The following CMIP variants were observed in gnomAD, a reference collection of about 807,000 sequenced individuals.
The protein encoded by CMIP is c-Maf inducing protein.
A neutral mutation model predicts 97.3 loss-of-function variants in CMIP; 13 were observed. That is an observed-to-expected ratio of 0.13 (90% CI 0.09 to 0.21). The LOEUF (loss-of-function observed/expected upper bound fraction) is 0.21, where lower values mean the gene tolerates loss of function less well. CMIP is among the 10% of genes least tolerant of loss of function. The pLI is 1.00. For synonymous variants in CMIP, 538 were observed against 436.3 expected, an observed-to-expected ratio of 1.23 and a Z score of -2.91; for missense variants, 847 against 1,024.9, an observed-to-expected ratio of 0.83 and a Z score of 2.37.
At chr16:81,501,338 C>T (rs1038307044) in intron 1 of CMIP, among the ~76,000 whole-genome samples, 1 of 152,248 alleles carries the variant, frequency 6.6e-6, no homozygotes, top group East Asian at 1.9e-4. Context: ...TCCTGCTTTG[C>T]GTGTGCCACA....
At chr16:81,496,760 T>A (rs80294463) in intron 1 of CMIP, among the ~76,000 whole-genome samples, 1 of 152,160 alleles carries the variant, frequency 6.6e-6, no homozygotes, top group East Asian at 1.9e-4. Flanking sequence ...GGGAACACAG[T>A]TTGAAACCTG....
At chr16:81,612,318 T>G (rs1037050759) in intron 2 of CMIP, among the ~76,000 whole-genome samples, 1 of 151,768 alleles carries the variant, frequency 6.6e-6, no homozygotes, top group African/African-American at 2.4e-5. Context: ...CTCCCAAGAG[T>G]GTCTGCTTCT....
chr16:81,701,945 C>G lies in CMIP; in HGVS notation c.1896+145C>G, dbSNP rs975989206. ...CAAACCCCAGAAATTGGTATTACCACCTGCCACTTTTCAGGTAATCAAAGA... is the reference window on the plus strand; with the variant it reads ...CAAACCCCAGAAATTGGTATTACCAGCTGCCACTTTTCAGGTAATCAAAGA... On this transcript the variant is annotated intron_variant, in intron 16 of 20. Transcript: ENST00000537098. 3.2e-6 allele frequency: 3 copies of G among 949,214 alleles called. No homozygotes were observed. In the African/African-American group the frequency reaches 4.9e-5, roughly 16 times the overall value. The allele number at this position is 949,214 out of a possible 1,614,324, so 58.8% of individuals were successfully genotyped here.
chr16:81,562,867 G>A (rs1379051297), intron 1 of CMIP, among the ~76,000 whole-genome samples: 2 of 152,210 alleles, frequency 1.3e-5, no homozygotes, highest in Non-Finnish European at 2.9e-5. Flanking sequence ...AAGTAGGAGA[G>A]GCAGGATTTG....
At chr16:81,488,440 T>C (rs908516068) in intron 1 of CMIP, among the ~76,000 whole-genome samples, 1 of 152,166 alleles carries the variant, frequency 6.6e-6, no homozygotes, top group Non-Finnish European at 1.5e-5. Flanking sequence ...TGCTTAGAAC[T>C]GGGCCCGATG....
intron 1 of CMIP, among the ~76,000 whole-genome samples, chr16:81,597,595 G>GA (rs202125037): frequency 0.11 from 11,217 of 97,772 alleles, 1,104 homozygotes; most frequent in African/African-American, 0.36. Flanking sequence ...GAGGGGAGCG[G>GA]GGGGGGGGGA....
At chr16:81,475,656 T>C (rs1264629967) in intron 1 of CMIP, among the ~76,000 whole-genome samples, 1 of 152,154 alleles carries the variant, frequency 6.6e-6, no homozygotes, top group Non-Finnish European at 1.5e-5. Flanking sequence ...AGGGGTGCTC[T>C]CCTGAGCTAC....
chr16:81,634,479 G>A (rs1173321829), intron 3 of CMIP, among the ~76,000 whole-genome samples: 1 of 152,064 alleles, frequency 6.6e-6, no homozygotes, highest in Non-Finnish European at 1.5e-5. Flanking sequence ...CATAGCTTTC[G>A]GGTTACTCTG....
rs966134300 is a variant in CMIP at position 81,693,507 on chromosome 16, A to G, written c.1530+20A>G. ...CAAGAGGTGAGGCCTTTGTTTCTGC[A>G]TCTCAGGCCGGCTGTCTGGGGATGG... On this transcript the variant is annotated intron_variant, in intron 13 of 20. Transcript: ENST00000537098. The G allele has an allele frequency of 6.2e-7, 1 of 1,607,418 alleles. No individual in the cohort carries two copies.
chr16:81,651,370 G>T, intron 3 of CMIP: 1 of 956,686 alleles, frequency 1.0e-6, no homozygotes. Flanking sequence ...TCAAATCCAG[G>T]GAGGCAGCAG....
chr16:81,645,312 G>C, intron 3 of CMIP: 1 of 1,268,762 alleles, frequency 7.9e-7, no homozygotes, highest in Non-Finnish European at 1.0e-6. Flanking sequence ...CGCCCGTGCA[G>C]CGTCCTCTCT....
intron 10 of CMIP, among the ~76,000 whole-genome samples, chr16:81,690,727 C>G (rs1000270667): frequency 6.6e-6 from 1 of 152,210 alleles, no homozygotes; most frequent in Non-Finnish European, 1.5e-5. Flanking sequence ...GAGTTCAAGA[C>G]CAGCATGGCC....
In CMIP at chr16:81,535,953, CAG is replaced by C. The variant is rs545946932; in HGVS notation, c.301-71607_301-71606del. On this transcript the variant is annotated intron_variant, in intron 1 of 20. Coordinates refer to ENST00000537098, the MANE Select transcript of CMIP (RefSeq NM_198390.3). ...GGCGAGAGCATCTTGGATCTCCTCC[CAG>C]AGAGAGTCGTGTCACCTGAGGGCCC... Among the ~76,000 whole-genome samples the C allele has an allele frequency of 1.9e-3, 288 of 152,288 alleles. 1 individual carries two copies. Among genetic ancestry groups the C allele is most frequent in the African/African-American group, 6.7e-3 (279 of 41,552 alleles).
chr16:81,663,802 G>A (rs910670611), intron 6 of CMIP, among the ~76,000 whole-genome samples: 9 of 152,284 alleles, frequency 5.9e-5, no homozygotes, highest in South Asian at 4.1e-4. Flanking sequence ...AAAGGGGACC[G>A]TGGTGCACTT....
At chr16:81,552,536 G>A (rs2090679263) in intron 1 of CMIP, among the ~76,000 whole-genome samples, 1 of 152,030 alleles carries the variant, frequency 6.6e-6, no homozygotes, top group Non-Finnish European at 1.5e-5. Context: ...TGGCTTCTTG[G>A]CCCCTTCCTC....
At chr16:81,668,893 C>A in intron 7 of CMIP, among the ~76,000 whole-genome samples, 1 of 145,490 alleles carries the variant, frequency 6.9e-6, no homozygotes, top group Non-Finnish European at 1.5e-5. Context: ...CCTTCCGTAC[C>A]CACCTCACAC....
At chr16:81,581,326 A>T (rs774777429) in intron 1 of CMIP, among the ~76,000 whole-genome samples, 4 of 152,160 alleles carry the variant, frequency 2.6e-5, no homozygotes, top group Non-Finnish European at 5.9e-5. Context: ...CTGAGCGAAC[A>T]TCCTGGAGTG....
rs112726876 is a variant in CMIP at position 81,556,048 on chromosome 16, C to G, written c.301-51519C>G. The stretch of plus-strand genomic sequence containing the variant: ...CAAACAGAATCACCGTCTTCTCTGT[C>G]TGAAGCCATTTTTTCCCTGGAAAAT... On this transcript the variant is annotated intron_variant, in intron 1 of 20. Transcript: ENST00000537098. Among the ~76,000 whole-genome samples the G allele has an allele frequency of 7.6e-3, 1,163 of 152,290 alleles. 19 individuals carry two copies. The highest frequency in any genetic ancestry group is 0.026 in the African/African-American group (1,072 of 41,558).
At chr16:81,703,779 C>A in intron 17 of CMIP, 160 bp from the exon 18 acceptor site, 1 of 969,454 alleles carries the variant, frequency 1.0e-6, no homozygotes, top group Non-Finnish European at 1.5e-6. Flanking sequence ...CTTGGCCCAT[C>A]CCACCGAGCT....
Sources: allele counts gnomAD v4.1 joint callset (sites outside exome capture counted in the v4.1 genomes callset), GRCh38; gene constraint gnomAD v4.1.1; transcripts MANE v1.5; gene names NCBI Gene and HGNC (gene_info 2026-07-23, HGNC 2026-07-21).